PIK3C3: variants seen among roughly 807,000 people sequenced by gnomAD.
PIK3C3 encodes phosphatidylinositol 3-kinase catalytic subunit type 3, also known as PI3-kinase type 3.
Under a neutral mutation model 126.1 loss-of-function variants are expected in PIK3C3, and 95 were observed. The observed-to-expected ratio is 0.75, with a 90% CI of 0.64 to 0.89. The LOEUF is 0.89. Ranked by LOEUF, PIK3C3 falls within the 40% of genes least tolerant of loss-of-function variation. The pLI is 0.00. For missense variants in PIK3C3, 829 were observed against 1,063.2 expected (o/e 0.78, Z 3.06); for synonymous variants, 374 against 360.0 (o/e 1.04, Z -0.44).
chr18:41,983,061 A>G lies in PIK3C3; in HGVS notation c.532-4751A>G, dbSNP rs759202439. On this transcript the variant is annotated intron_variant, in intron 4 of 24. Coordinates refer to ENST00000262039, the MANE Select transcript of PIK3C3 (RefSeq NM_002647.4). ...TATATTTTTAAGTTGTTTTTAGACA[A>G]CTTACTTGGTTTGCTCATATCCTGT... is the stretch of plus-strand genomic sequence containing the variant. Among the ~76,000 whole-genome samples, 57 of 152,158 alleles carry G rather than the reference A, an allele frequency of 3.7e-4. 1 individual carries two copies. The highest frequency in any genetic ancestry group is 8.2e-4 in the African/African-American group (34 of 41,440).
chr18:42,014,394 G>A (rs1982977661), intron 11 of PIK3C3, among the ~76,000 whole-genome samples: 1 of 152,040 alleles, frequency 6.6e-6, no homozygotes, highest in African/African-American at 2.4e-5. Context: ...AAAATTAGGA[G>A]TTCCCAAATG....
chr18:42,049,960 CA>C (rs1984726603), intron 21 of PIK3C3: 2 of 128,770 alleles, frequency 1.6e-5, no homozygotes, highest in Admixed American at 1.7e-4. Context: ...GCAACAAGAT[CA>C]AAACGCCATC....
chr18:42,033,795 A>G, intron 15 of PIK3C3, 31 bp from the exon 16 acceptor site: 1 of 1,511,682 alleles, frequency 6.6e-7, no homozygotes, highest in South Asian at 1.3e-5. Flanking sequence ...CTTCTATTTT[A>G]ACCTCATTAA....
chr18:41,981,942 C>T lies in PIK3C3; in HGVS notation c.532-5870C>T, dbSNP rs147744505. On this transcript the variant is annotated intron_variant, in intron 4 of 24. Coordinates refer to ENST00000262039, the MANE Select transcript of PIK3C3 (RefSeq NM_002647.4). ...GAGGTTGTGGTGAGCCGAGATCACG[C>T]CACTGCACTCCAGTCTAGGCAACAG... 1.0e-3 allele frequency among the ~76,000 whole-genome samples: 153 copies of T among 152,042 alleles called. 2 individuals carry two copies. The highest frequency in any genetic ancestry group is 3.6e-3 in the African/African-American group (148 of 41,488).
At chr18:42,038,707 A>G (rs1984172528) in intron 17 of PIK3C3, 74 bp from the exon 18 acceptor site, 2 of 883,144 alleles carry the variant, frequency 2.3e-6, no homozygotes, top group African/African-American at 1.7e-5. Flanking sequence ...TTAAACTGCT[A>G]TACTATTTGC....
chr18:42,010,844 A>G (rs540118217), intron 10 of PIK3C3, among the ~76,000 whole-genome samples: 1 of 152,336 alleles, frequency 6.6e-6, no homozygotes, highest in African/African-American at 2.4e-5. Flanking sequence ...TATGGAAGCT[A>G]TGATCTCACA....
At chr18:41,973,441 T>C (rs1184909353) in intron 4 of PIK3C3, among the ~76,000 whole-genome samples, 1 of 152,040 alleles carries the variant, frequency 6.6e-6, no homozygotes, top group Non-Finnish European at 1.5e-5. Context: ...TACTCTTTAG[T>C]TAATTAATTA....
In PIK3C3 at chr18:42,087,537, C is replaced by G. The variant is rs1021084044; in HGVS notation, c.*6400C>G. ...TCACCCATGCAAGCTGCCAGCTTGTCTATGTCTGCAGCTCAACTTTACAGG... is the reference window on the plus strand; with the variant it reads ...TCACCCATGCAAGCTGCCAGCTTGTGTATGTCTGCAGCTCAACTTTACAGG... On this transcript the variant is annotated 3_prime_UTR_variant, in exon 25 of 25. Coordinates refer to ENST00000262039, the MANE Select transcript of PIK3C3 (RefSeq NM_002647.4). 6.6e-6 allele frequency: 1 copy of G among 152,184 alleles called. No individual in the cohort carries two copies. Among genetic ancestry groups the G allele is most frequent in the South Asian group, 2.1e-4 (1 of 4,832 alleles). The allele number at this position is 152,184 out of a possible 1,614,324, so 9.4% of individuals were successfully genotyped here. A position where few individuals can be genotyped will look rare whatever the true frequency, so the allele number is the denominator to read the frequency against.
chr18:41,987,833 G>A lies in PIK3C3; in HGVS notation c.553G>A (p.Gly185Arg), dbSNP rs200762676. The change falls in exon 5 of 25, where the codon GGA becomes AGA. Residue 185 changes from glycine (G) to arginine (R), a missense_variant. Physicochemically the swap from Gly to Arg is moderately radical, Grantham distance 125. Coordinates refer to ENST00000262039, the MANE Select transcript of PIK3C3 (RefSeq NM_002647.4). Reference protein sequence around the residue: ...LAKLTKAHRQGHMVKVDWLDR... With the variant: ...LAKLTKAHRQRHMVKVDWLDR... ...GCAGCTCACCAAAGCTCATCGACAA[G>A]GACACATGGTGAAAGTAGATTGGCT... 1.9e-4 allele frequency: 310 copies of A among 1,607,468 alleles called. No individual in the cohort carries two copies. The highest frequency in any genetic ancestry group is 2.6e-4 in the Non-Finnish European group (305 of 1,176,400).
chr18:42,021,003 A>G (rs1983297901), intron 13 of PIK3C3, among the ~76,000 whole-genome samples: 1 of 152,162 alleles, frequency 6.6e-6, no homozygotes. Flanking sequence ...TGAGTATGAT[A>G]TTTCACAGTT....
Position 41,957,588 on chromosome 18 carries a change from G to T in PIK3C3, c.87G>T (p.Lys29Asn). The change falls in exon 2 of 25, where the codon AAG (lysine) becomes AAT (asparagine). Residue 29 changes from lysine to asparagine, a missense_variant. Lys to Asn is a moderately conservative substitution (Grantham distance 94). Transcript: ENST00000262039. ...VQLKIGSLEG[K>N]REQKSYKAVL... is the part of the protein sequence containing the mutation. ...CTTTCAGAGGAAGCTTGGAAGGGAA[G>T]AGAGAACAAAAGAGTTATAAAGCTG... The T allele has an allele frequency of 6.2e-7, 1 of 1,608,586 alleles. No individual in the cohort carries two copies. The highest frequency in any genetic ancestry group is 8.5e-7 in the Non-Finnish European group (1 of 1,178,656).
chr18:42,068,949 C>CAAA lies in PIK3C3; in HGVS notation c.2649+1453_2649+1455dup, dbSNP rs35657662. Reference sequence around the variant, plus strand: ...TGGGCAACAGAGCGAGACTCCGTCTCAAAAAAAAAAAAAAAAAAAGAAATA... The same window carrying CAAA: ...TGGGCAACAGAGCGAGACTCCGTCTCAAAAAAAAAAAAAAAAAAAAAAGAAATA... On this transcript the variant is annotated intron_variant, in intron 24 of 24. Transcript: ENST00000262039. Among the ~76,000 whole-genome samples, 58 of 82,164 alleles carry CAAA rather than the reference C, an allele frequency of 7.1e-4. 1 individual carries two copies. The highest frequency in any genetic ancestry group is 6.4e-3 in the Middle Eastern group (1 of 156). 53.9% of individuals were successfully genotyped at this position (82,164 alleles called of 152,430 possible).
chr18:42,044,899 A>G (rs186180545), intron 20 of PIK3C3, among the ~76,000 whole-genome samples: 44 of 152,324 alleles, frequency 2.9e-4, no homozygotes, highest in African/African-American at 9.6e-4. Flanking sequence ...TGGGAGAGCA[A>G]GAAGAGGGCT....
intron 20 of PIK3C3, among the ~76,000 whole-genome samples, chr18:42,044,083 T>A (rs1329688599): frequency 6.6e-6 from 1 of 152,212 alleles, no homozygotes; most frequent in Non-Finnish European, 1.5e-5. Context: ...TGGAAGCTGT[T>A]AATTTTCCAT....
chr18:42,045,253 A>G (rs1984510079), intron 20 of PIK3C3, among the ~76,000 whole-genome samples: 1 of 152,160 alleles, frequency 6.6e-6, no homozygotes, highest in African/African-American at 2.4e-5. Flanking sequence ...ACTTAAAAAC[A>G]CTGAAGATTT....
At chr18:42,062,771 C>T (rs1270801154) in intron 22 of PIK3C3, among the ~76,000 whole-genome samples, 3 of 152,044 alleles carry the variant, frequency 2.0e-5, no homozygotes, top group Admixed American at 2.0e-4. Context: ...TCAGACTCCA[C>T]ATGTCTAAAA....
intron 22 of PIK3C3, among the ~76,000 whole-genome samples, chr18:42,058,568 G>C (rs910799299): frequency 6.6e-6 from 1 of 152,100 alleles, no homozygotes; most frequent in Admixed American, 6.5e-5. Context: ...GGAATATTCA[G>C]AAGTTTGCTC....
chr18:41,965,186 AC>A, intron 3 of PIK3C3, among the ~76,000 whole-genome samples: 1 of 152,316 alleles, frequency 6.6e-6, no homozygotes, highest in Non-Finnish European at 1.5e-5. Flanking sequence ...TTGAGAAATA[AC>A]CAGACATTCC....
At chr18:42,001,424 G>A (rs917281026) in intron 9 of PIK3C3, among the ~76,000 whole-genome samples, 1 of 152,150 alleles carries the variant, frequency 6.6e-6, no homozygotes, top group Non-Finnish European at 1.5e-5. Context: ...ATCTGTGGAA[G>A]TTACACACAG....
Sources: gnomAD v4.1 joint callset for allele counts (sites outside exome capture counted in the v4.1 genomes callset) on GRCh38, gnomAD v4.1.1 for gene constraint, MANE v1.5 for transcripts, NCBI Gene and HGNC (gene_info 2026-07-23, HGNC 2026-07-21) for gene names.